The following ZNF385D variants were observed in gnomAD, a reference collection of about 807,000 sequenced individuals.
ZNF385D encodes the protein zinc finger protein 385D.
In ZNF385D, 15 loss-of-function variants were observed where a neutral mutation model predicts 35.8. The observed-to-expected ratio is 0.42, with a 90% CI of 0.28 to 0.64. ZNF385D has a LOEUF of 0.64. Ranked by LOEUF, ZNF385D falls within the 30% of genes least tolerant of loss-of-function variation. ZNF385D has a pLI of 0.23. For synonymous variants in ZNF385D, 212 were observed against 186.8 expected (o/e 1.13, Z -1.10); for missense variants, 474 against 494.6 (o/e 0.96, Z 0.39).
intron 3 of ZNF385D, among the ~76,000 whole-genome samples, chr3:21,891,248 C>G (rs913911918): frequency 3.3e-5 from 5 of 152,082 alleles, no homozygotes; most frequent in Non-Finnish European, 7.3e-5. Flanking sequence ...TGTTAAGACT[C>G]TCATCGTCAG....
At chr3:22,240,864 T>A (rs138372973) in intron 2 of ZNF385D, among the ~76,000 whole-genome samples, 1 of 151,034 alleles carries the variant, frequency 6.6e-6, no homozygotes, top group African/African-American at 2.4e-5. Flanking sequence ...TACACAGATC[T>A]AATCACTCTC....
intron 2 of ZNF385D, among the ~76,000 whole-genome samples, chr3:22,237,527 T>C (rs1699254719): frequency 6.6e-6 from 1 of 152,204 alleles, no homozygotes; most frequent in Admixed American, 6.5e-5. Context: ...ATCTACTGTG[T>C]TATTTTGTTG....
At chr3:21,751,245 C>CACCCCACCCT, upstream of ZNF385D, 2 of 1,157,118 alleles carry the variant, frequency 1.7e-6, no homozygotes, top group Non-Finnish European at 2.1e-6. Flanking sequence ...CACCCCACCC[C>CACCCCACCCT]ACCCCACCCT....
chr3:21,761,482 A>G (rs1022710589), intron 3 of ZNF385D, among the ~76,000 whole-genome samples: 1 of 152,216 alleles, frequency 6.6e-6, no homozygotes, highest in African/African-American at 2.4e-5. Context: ...CAGATATAGG[A>G]TCCTGGAAGC....
chr3:22,081,826 C>T (rs1559354230), intron 3 of ZNF385D, among the ~76,000 whole-genome samples: 1 of 152,060 alleles, frequency 6.6e-6, no homozygotes, highest in East Asian at 1.9e-4. Flanking sequence ...TCAGCAAAAA[C>T]AAAAATACAA....
At chr3:22,140,747 A>G (rs1282275653) in intron 3 of ZNF385D, among the ~76,000 whole-genome samples, 1 of 152,238 alleles carries the variant, frequency 6.6e-6, no homozygotes, top group African/African-American at 2.4e-5. Context: ...AAAATAACAT[A>G]CATTTTGTGG....
chr3:21,535,678 C>T (rs1382473908), intron 3 of ZNF385D, among the ~76,000 whole-genome samples: 3 of 151,688 alleles, frequency 2.0e-5, no homozygotes, highest in Non-Finnish European at 2.9e-5. Flanking sequence ...TGGGTAAAGC[C>T]GATGAATTTG....
At chr3:22,270,674 T>C (rs1018086618) in intron 2 of ZNF385D, among the ~76,000 whole-genome samples, 3 of 152,016 alleles carry the variant, frequency 2.0e-5, no homozygotes, top group Non-Finnish European at 4.4e-5. Context: ...ACTTATTTGC[T>C]TTCCTTACAG....
chr3:21,774,419 C>T (rs1431831074), intron 3 of ZNF385D, among the ~76,000 whole-genome samples: 4 of 151,702 alleles, frequency 2.6e-5, no homozygotes, highest in African/African-American at 9.7e-5. Flanking sequence ...CACATGTACC[C>T]CCAAATTTAA....
At chr3:21,433,996 G>T (rs1203049403) in intron 5 of ZNF385D, among the ~76,000 whole-genome samples, 1 of 152,148 alleles carries the variant, frequency 6.6e-6, no homozygotes, top group African/African-American at 2.4e-5. Context: ...AAGCCCTGCG[G>T]TATTACATCT....
chr3:21,915,429 AT>A (rs1700148095), intron 3 of ZNF385D, among the ~76,000 whole-genome samples: 1 of 152,188 alleles, frequency 6.6e-6, no homozygotes, highest in African/African-American at 2.4e-5. Context: ...TGGAAGTACT[AT>A]CATGCCTCTT....
intron 3 of ZNF385D, among the ~76,000 whole-genome samples, chr3:22,128,803 T>C (rs976420918): frequency 6.6e-6 from 1 of 152,198 alleles, no homozygotes; most frequent in African/African-American, 2.4e-5. Flanking sequence ...CCTTCTCCTG[T>C]GTTTTCTTGG....
intron 2 of ZNF385D, among the ~76,000 whole-genome samples, chr3:22,203,387 G>C (rs1347599236): frequency 6.6e-6 from 1 of 152,130 alleles, no homozygotes; most frequent in African/African-American, 2.4e-5. Flanking sequence ...ATAAGCAGTG[G>C]TAACCAGCTA....
chr3:21,764,703 T>A (rs545141915), intron 3 of ZNF385D, among the ~76,000 whole-genome samples: 1 of 152,152 alleles, frequency 6.6e-6, no homozygotes, highest in Non-Finnish European at 1.5e-5. Flanking sequence ...TGTTTGACAA[T>A]TGACCCAGTT....
intron 3 of ZNF385D, among the ~76,000 whole-genome samples, chr3:21,893,622 A>T (rs1238532590): frequency 1.3e-5 from 2 of 152,220 alleles, no homozygotes; most frequent in Admixed American, 1.3e-4. Flanking sequence ...AGTTATCGTT[A>T]GAAGTTCATT....
rs145577105 is a variant in ZNF385D at position 21,640,065 on chromosome 3, GCTTT to G, written c.165+24817_165+24820del. Among the ~76,000 whole-genome samples, 1,342 of 152,006 alleles carry G rather than the reference GCTTT, an allele frequency of 8.8e-3. 25 individuals are homozygous for G. Among genetic ancestry groups the G allele is most frequent in the African/African-American group, 0.031 (1,304 of 41,508 alleles). On this transcript the variant is annotated intron_variant, in intron 2 of 7. Coordinates refer to ENST00000281523, the MANE Select transcript of ZNF385D (RefSeq NM_024697.3). The stretch of plus-strand genomic sequence containing the variant: ...TTATTTTCAATTTTAAAATCAGAAT[GCTTT>G]CTTTCTTTCTTTCTTTAAAGTTTTC...
At chr3:21,649,824 T>G (rs1438059702) in intron 2 of ZNF385D, among the ~76,000 whole-genome samples, 1 of 152,198 alleles carries the variant, frequency 6.6e-6, no homozygotes, top group Admixed American at 6.5e-5. Context: ...AGTACTGAAT[T>G]TACTACTTAA....
At chr3:22,002,029 G>A (rs919801323) in intron 3 of ZNF385D, among the ~76,000 whole-genome samples, 3 of 151,400 alleles carry the variant, frequency 2.0e-5, no homozygotes, top group Admixed American at 2.0e-4. Flanking sequence ...TATAGCTCAA[G>A]GTACTAGAAA....
intron 4 of ZNF385D, among the ~76,000 whole-genome samples, chr3:21,452,570 C>T (rs73044417): frequency 0.28 from 42,038 of 151,814 alleles, 6,472 homozygotes; most frequent in East Asian, 0.43. Flanking sequence ...TATACACTAG[C>T]AATGAACAAT....
Sources: gnomAD v4.1 joint callset for allele counts (sites outside exome capture counted in the v4.1 genomes callset) on GRCh38, gnomAD v4.1.1 for gene constraint, MANE v1.5 for transcripts, NCBI Gene and HGNC (gene_info 2026-07-23, HGNC 2026-07-21) for gene names.